FRMD4A: variants seen among roughly 807,000 people sequenced by gnomAD.
FRMD4A encodes the protein FERM domain containing 4A.
Under a neutral mutation model 129.1 loss-of-function variants are expected in FRMD4A, and 29 were observed. That is an observed-to-expected ratio of 0.22 (90% CI 0.17 to 0.31). FRMD4A has a LOEUF of 0.31. FRMD4A is among the 10% of genes least tolerant of loss of function. FRMD4A has a pLI of 1.00. For synonymous variants in FRMD4A, 634 were observed against 571.6 expected, an observed-to-expected ratio of 1.11 and a Z score of -1.56; for missense variants, 1,272 against 1,375.8, an observed-to-expected ratio of 0.92 and a Z score of 1.19.
At chr10:14,087,096 C>T (rs1836325828) in intron 2 of FRMD4A, among the ~76,000 whole-genome samples, 1 of 151,854 alleles carries the variant, frequency 6.6e-6, no homozygotes, top group Non-Finnish European at 1.5e-5. Flanking sequence ...CAGCTGGCTA[C>T]CCTGGTTGCG....
At chr10:13,753,025 AT>A (rs1381665901) in intron 8 of FRMD4A, among the ~76,000 whole-genome samples, 1 of 152,186 alleles carries the variant, frequency 6.6e-6, no homozygotes, top group East Asian at 1.9e-4. Context: ...ATTCGTAAAC[AT>A]TGAGACCCTA....
At chr10:13,933,278 G>A (rs1265532470) in intron 2 of FRMD4A, among the ~76,000 whole-genome samples, 3 of 127,558 alleles carry the variant, frequency 2.4e-5, no homozygotes, top group Non-Finnish European at 5.6e-5. Context: ...CCGAGTAAAT[G>A]ACTTTGTAAC....
Position 14,330,143 on chromosome 10 carries a change from T to C in FRMD4A, c.-41A>G. The C allele has an allele frequency of 6.5e-7, 1 of 1,548,420 alleles. No individual in the cohort carries two copies. Among genetic ancestry groups the C allele is most frequent in the Non-Finnish European group, 8.7e-7 (1 of 1,144,888 alleles). On this transcript the variant is annotated 5_prime_UTR_variant, in exon 2 of 25. Coordinates refer to ENST00000357447, the MANE Select transcript of FRMD4A (RefSeq NM_018027.5). ...TGCACGAATCCTGCTGCCGAGTCAG[T>C]CCTCCTGGGCCCCGGGTGGCTACAG...
At chr10:14,254,811 G>A (rs952591501) in intron 2 of FRMD4A, among the ~76,000 whole-genome samples, 1 of 151,832 alleles carries the variant, frequency 6.6e-6, no homozygotes, top group Non-Finnish European at 1.5e-5. Context: ...AAAAATAATA[G>A]CCTAGGTTTT....
intron 2 of FRMD4A, among the ~76,000 whole-genome samples, chr10:14,242,007 G>C (rs1423010921): frequency 1.3e-5 from 2 of 152,142 alleles, no homozygotes; most frequent in African/African-American, 4.8e-5. Context: ...TTCTAAGACA[G>C]TGCTGATGCT....
chr10:13,720,129 A>T (rs2089278662), intron 12 of FRMD4A, among the ~76,000 whole-genome samples: 1 of 151,960 alleles, frequency 6.6e-6, no homozygotes, highest in South Asian at 2.1e-4. Context: ...GCTCACTGCA[A>T]CCTCCGCCTC....
chr10:13,722,363 C>CT (rs1751428441), intron 12 of FRMD4A, among the ~76,000 whole-genome samples: 1 of 150,484 alleles, frequency 6.6e-6, no homozygotes. Context: ...TCACAGGTAG[C>CT]TGGGACTACA....
At chr10:13,885,553 A>G (rs2094609370) in intron 2 of FRMD4A, among the ~76,000 whole-genome samples, 1 of 151,896 alleles carries the variant, frequency 6.6e-6, no homozygotes, top group Non-Finnish European at 1.5e-5. Context: ...TGATCTAGAT[A>G]CCCCCTTTCA....
intron 2 of FRMD4A, among the ~76,000 whole-genome samples, chr10:13,868,792 C>T (rs2094405198): frequency 6.6e-6 from 1 of 152,066 alleles, no homozygotes; most frequent in African/African-American, 2.4e-5. Flanking sequence ...GAGTGAGATC[C>T]TGTCTCAAAA....
At chr10:13,984,508 T>C (rs952364496) in intron 2 of FRMD4A, among the ~76,000 whole-genome samples, 4 of 152,224 alleles carry the variant, frequency 2.6e-5, no homozygotes, top group African/African-American at 9.6e-5. Context: ...AAAACCGACC[T>C]CTGTACCCAT....
At chr10:13,732,405 G>A (rs1227455151) in intron 12 of FRMD4A, among the ~76,000 whole-genome samples, 1 of 152,216 alleles carries the variant, frequency 6.6e-6, no homozygotes, top group African/African-American at 2.4e-5. Flanking sequence ...CTGTGAGTGT[G>A]CCGACGGGTT....
At chr10:14,239,450 A>C (rs1843953383) in intron 2 of FRMD4A, among the ~76,000 whole-genome samples, 1 of 152,092 alleles carries the variant, frequency 6.6e-6, no homozygotes, top group African/African-American at 2.4e-5. Context: ...ACATGGTGAA[A>C]CCCCGTCTCT....
At chr10:14,175,263 C>A (rs11258916) in intron 2 of FRMD4A, among the ~76,000 whole-genome samples, 2 of 152,102 alleles carry the variant, frequency 1.3e-5, no homozygotes. Flanking sequence ...AAGGAAGATG[C>A]CCCTGTCCCT....
chr10:14,125,495 C>T (rs1838781224), intron 2 of FRMD4A, among the ~76,000 whole-genome samples: 1 of 152,128 alleles, frequency 6.6e-6, no homozygotes, highest in Non-Finnish European at 1.5e-5. Context: ...AAGAAGCTTG[C>T]TGGATGACCT....
chr10:14,001,260 C>T (rs1034287417), intron 2 of FRMD4A, among the ~76,000 whole-genome samples: 13 of 152,166 alleles, frequency 8.5e-5, no homozygotes, highest in Non-Finnish European at 1.6e-4. Context: ...TTAAAAGCTC[C>T]TTGAGTGTTT....
chr10:13,884,145 C>CAA (rs2094581565), intron 2 of FRMD4A, among the ~76,000 whole-genome samples: 1 of 12,592 alleles, frequency 7.9e-5, no homozygotes, highest in Non-Finnish European at 2.6e-4. Context: ...CACACACACT[C>CAA]TCACACACTC....
At chr10:14,101,726 TAACAC>T (rs59561035) in intron 2 of FRMD4A, among the ~76,000 whole-genome samples, 49,485 of 146,298 alleles carry the variant, frequency 0.34, 9,064 homozygotes, top group Non-Finnish European at 0.42. Flanking sequence ...GCCTGGCTTC[TAACAC>T]AACACAACAC....
intron 5 of FRMD4A, among the ~76,000 whole-genome samples, chr10:13,791,952 C>A (rs1198085066): frequency 6.6e-6 from 1 of 152,198 alleles, no homozygotes. Flanking sequence ...AATGGCAAGA[C>A]CTTCTCAAGT....
chr10:14,228,836 T>G (rs1195470372), intron 2 of FRMD4A, among the ~76,000 whole-genome samples: 1 of 152,180 alleles, frequency 6.6e-6, no homozygotes, highest in Non-Finnish European at 1.5e-5. Flanking sequence ...AATCCCTCAC[T>G]GTTCAAAAGC....
Sources: allele counts gnomAD v4.1 joint callset (sites outside exome capture counted in the v4.1 genomes callset), GRCh38; gene constraint gnomAD v4.1.1; transcripts MANE v1.5; gene names NCBI Gene and HGNC (gene_info 2026-07-23, HGNC 2026-07-21).